TFB1M: variants seen among roughly 807,000 people sequenced by gnomAD.
TFB1M encodes transcription factor B1, mitochondrial.
In TFB1M, 27 loss-of-function variants were observed where a neutral mutation model predicts 31.1. The observed-to-expected ratio is 0.87, with a 90% CI of 0.64 to 1.20. The LOEUF (loss-of-function observed/expected upper bound fraction) is 1.20. Ranked by LOEUF, TFB1M falls within the 50% of genes most tolerant of loss-of-function variation. The probability of loss-of-function intolerance (pLI) is 0.00; values close to 1 mark genes in which losing one functional copy is unlikely to be tolerated. For missense variants in TFB1M, 394 were observed against 418.7 expected, an observed-to-expected ratio of 0.94 and a Z score of 0.51; for synonymous variants, 166 against 151.8, an observed-to-expected ratio of 1.09 and a Z score of -0.69.
In TFB1M at chr6:155,268,760, T is replaced by C. The variant is rs974939437; in HGVS notation, c.667-8360A>G. ...AGATGCTTGAAGGCAGCATGCTTGC[T>C]AAGAGTCATCACCACTCCCTAATCT... On this transcript the variant is annotated intron_variant, in intron 5 of 6. Transcript: ENST00000367166. Among the ~76,000 whole-genome samples, 3 of 150,554 alleles carry C rather than the reference T, an allele frequency of 2.0e-5. No homozygotes were observed. The South Asian group carries it at 6.4e-4, about 32-fold the overall frequency.
the TFB1M span, chr6:155,250,900 T>A: frequency 6.2e-7 from 1 of 1,613,352 alleles, no homozygotes; most frequent in Admixed American, 1.7e-5. Context: ...TACCTCCTGT[T>A]TTTACAATCT....
At chr6:155,289,766 C>T (rs182153216) in intron 4 of TFB1M, among the ~76,000 whole-genome samples, 217 of 152,308 alleles carry the variant, frequency 1.4e-3, no homozygotes, top group African/African-American at 4.8e-3. Flanking sequence ...GCCCAAATCT[C>T]GCCAAATTGT....
chr6:155,313,412 C>T (rs1049491714), intron 1 of TFB1M, among the ~76,000 whole-genome samples: 6 of 152,088 alleles, frequency 3.9e-5, no homozygotes, highest in Admixed American at 3.9e-4. Flanking sequence ...GTGTGATTTA[C>T]TGCTCTTTTC....
At chr6:155,240,440 C>G in the TFB1M span, 1 of 1,395,024 alleles carries the variant, frequency 7.2e-7, no homozygotes. Flanking sequence ...CCCTGCTGAG[C>G]ACAGACGGAG....
chr6:155,309,804 C>T (rs1777944473), intron 2 of TFB1M, among the ~76,000 whole-genome samples: 2 of 152,046 alleles, frequency 1.3e-5, no homozygotes, highest in Non-Finnish European at 2.9e-5. Flanking sequence ...TTCCCACGTC[C>T]ACCTCCAACT....
chr6:155,244,592 A>G, the TFB1M span: 6 of 1,556,154 alleles, frequency 3.9e-6, no homozygotes, highest in African/African-American at 8.2e-5. Context: ...TGTGGGCCTA[A>G]GAGTTAGCGT....
chr6:155,248,957 T>C, the TFB1M span, among the ~76,000 whole-genome samples: 1 of 152,228 alleles, frequency 6.6e-6, no homozygotes, highest in East Asian at 1.9e-4. Context: ...ATGACAAGCA[T>C]ACTTTGGTAT....
downstream of TFB1M, chr6:155,254,786 C>A (rs1396153927): frequency 3.6e-6 from 2 of 550,768 alleles, no homozygotes; most frequent in Non-Finnish European, 6.4e-6. Flanking sequence ...TCTTCCTACC[C>A]GCTGACATAG....
intron 2 of TFB1M, among the ~76,000 whole-genome samples, chr6:155,300,624 A>C (rs1226411449): frequency 6.6e-6 from 1 of 152,224 alleles, no homozygotes; most frequent in African/African-American, 2.4e-5. Context: ...ATATATAGAA[A>C]GTATTTAATA....
rs927033222 is a variant in TFB1M, at chr6:155,311,241, C to T, written c.232G>A (p.Val78Ile). 1.1e-5 allele frequency: 17 copies of T among 1,614,084 alleles called. No individual in the cohort carries two copies. The highest frequency in any genetic ancestry group is 2.2e-5 in the East Asian group (1 of 44,880). ...GITRSILNAD[V>I]AELLVVEKDT... ...TTTTCAACCACCAGAAGTTCAGCGACGTCGGCATTAAGAATAGATCTTGTG... is the reference window on the plus strand; with the variant it reads ...TTTTCAACCACCAGAAGTTCAGCGATGTCGGCATTAAGAATAGATCTTGTG... Residue 78 changes from valine to isoleucine, a missense_variant, in exon 2 of 7, where the codon GTC (valine) becomes ATC (isoleucine). Val to Ile is a conservative substitution (Grantham distance 29). Transcript: ENST00000367166.
the TFB1M span, among the ~76,000 whole-genome samples, chr6:155,231,951 C>T: frequency 1.3e-5 from 2 of 152,094 alleles, no homozygotes; most frequent in Non-Finnish European, 2.9e-5. Flanking sequence ...CTTGGTGGCA[C>T]GCACCTGTAA....
chr6:155,254,915 G>GATTTTTT, downstream of TFB1M: 1 of 195,780 alleles, frequency 5.1e-6, no homozygotes, highest in South Asian at 1.5e-4. Context: ...GGTCAATGCT[G>GATTTTTT]AATGAAGATC....
intron 2 of TFB1M, among the ~76,000 whole-genome samples, chr6:155,307,581 T>G (rs1249729481): frequency 6.6e-6 from 1 of 152,136 alleles, no homozygotes; most frequent in Admixed American, 6.5e-5. Context: ...TTACGGGAGC[T>G]ACAAGAGGAG....
chr6:155,240,375 A>G, the TFB1M span, among the ~76,000 whole-genome samples: 1 of 152,248 alleles, frequency 6.6e-6, no homozygotes, highest in East Asian at 1.9e-4. Flanking sequence ...AATGATAGCC[A>G]GAGGGGTTTG....
chr6:155,240,820 G>A, the TFB1M span: 30 of 1,114,264 alleles, frequency 2.7e-5, no homozygotes, highest in Admixed American at 4.9e-5. Context: ...ACTCCCCAGG[G>A]GGGGACACCT....
chr6:155,282,918 G>A (rs1180318268), intron 5 of TFB1M, among the ~76,000 whole-genome samples: 6 of 151,852 alleles, frequency 4.0e-5, no homozygotes, highest in African/African-American at 7.3e-5. Flanking sequence ...TAGTAGAGAC[G>A]GGGTTTCACC....
chr6:155,311,484 C>G (rs1778015923), intron 1 of TFB1M, 145 bp from the exon 2 acceptor site: 1 of 730,818 alleles, frequency 1.4e-6, no homozygotes, highest in Admixed American at 2.2e-5. Flanking sequence ...CTATTTAACT[C>G]TCTACCTAAA....
downstream of TFB1M, chr6:155,254,266 C>T: frequency 9.4e-7 from 1 of 1,069,284 alleles, no homozygotes; most frequent in Non-Finnish European, 1.3e-6. Flanking sequence ...TTCTCACCTC[C>T]TTCTGTACGG....
In TFB1M at chr6:155,257,777, T is replaced by C; in HGVS notation, c.*59A>G. 6.2e-7 allele frequency: 1 copy of C among 1,605,222 alleles called. No individual in the cohort carries two copies. Among genetic ancestry groups the C allele is most frequent in the Non-Finnish European group, 8.5e-7 (1 of 1,175,564 alleles). On this transcript the variant is annotated 3_prime_UTR_variant, in exon 7 of 7. Transcript: ENST00000367166. ...CTGTAAAGACAAAAGAGTACCTATA[T>C]AAGAAGCTCCACGTAGTGCAAATCG...
Sources: allele counts gnomAD v4.1 joint callset (sites outside exome capture counted in the v4.1 genomes callset), GRCh38; gene constraint gnomAD v4.1.1; transcripts MANE v1.5; gene names NCBI Gene and HGNC (gene_info 2026-07-23, HGNC 2026-07-21).